TRPC7: variants seen among roughly 807,000 people sequenced by gnomAD.
TRPC7 encodes transient receptor potential cation channel subfamily C member 7.
In TRPC7, 42 loss-of-function variants were observed where a neutral mutation model predicts 90.1. That is an observed-to-expected ratio of 0.47 (90% CI 0.36 to 0.60). TRPC7 has a LOEUF of 0.60. Among genes scored for constraint, TRPC7 ranks in the 20% least tolerant of loss-of-function variants. TRPC7 has a pLI of 0.00. For synonymous variants in TRPC7, 451 were observed against 436.3 expected, an observed-to-expected ratio of 1.03 and a Z score of -0.42; for missense variants, 955 against 1,112.3, an observed-to-expected ratio of 0.86 and a Z score of 2.01.
chr5:136,303,672 C>T lies in TRPC7; in HGVS notation c.963+11925G>A, dbSNP rs1375185134. The T allele has an allele frequency of 3.9e-5, 6 of 152,184 alleles. No homozygotes were observed. The East Asian group carries it at 1.2e-3, about 29-fold the overall frequency. 9.4% of individuals were successfully genotyped at this position (152,184 alleles called of 1,614,324 possible). A position where few individuals can be genotyped will look rare whatever the true frequency, so the allele number is the denominator to read the frequency against. On this transcript the variant is annotated intron_variant, in intron 3 of 11. Transcript: ENST00000513104. ...CGTGTCCCATCTGTGTGGGACCCCA[C>T]TGAAAATCAGACTGTTCAACTCACC...
chr5:136,215,300 G>A (rs953979420), intron 11 of TRPC7, among the ~76,000 whole-genome samples: 5 of 152,204 alleles, frequency 3.3e-5, no homozygotes, highest in African/African-American at 9.6e-5. Flanking sequence ...CAAGAGGCAT[G>A]AGGTTGGCTC....
intron 8 of TRPC7, among the ~76,000 whole-genome samples, chr5:136,227,674 C>T (rs921226139): frequency 2.0e-5 from 3 of 152,118 alleles, no homozygotes; most frequent in Admixed American, 6.6e-5. Flanking sequence ...CAGGGACATC[C>T]GTCCTGAGAG....
At position 136,247,754 on chromosome 5, in the gene TRPC7, G is replaced by T; in HGVS notation, c.1580-19C>A. On this transcript the variant is annotated intron_variant, in intron 6 of 11. Transcript: ENST00000513104. The surrounding 1 kb of genome is among the most constrained non-coding windows in gnomAD (Gnocchi z 4.2). Reference sequence around the variant, plus strand: ...TCCCTGGCTAAAAGAAAACAATCTGGGTTACTCACGAGGCCACAGGATCTA... The same window carrying T: ...TCCCTGGCTAAAAGAAAACAATCTGTGTTACTCACGAGGCCACAGGATCTA... 1 of 1,605,318 alleles carries T rather than the reference G, an allele frequency of 6.2e-7. No homozygotes were observed. The highest frequency in any genetic ancestry group is 8.5e-7 in the Non-Finnish European group (1 of 1,174,524).
chr5:136,318,686 T>G (rs1302594298), intron 2 of TRPC7, among the ~76,000 whole-genome samples: 1 of 152,172 alleles, frequency 6.6e-6, no homozygotes, highest in Non-Finnish European at 1.5e-5. Context: ...TCTTAGTTAT[T>G]CCAATAACTG....
At chr5:136,296,592 A>G (rs1432162363) in intron 3 of TRPC7, among the ~76,000 whole-genome samples, 1 of 151,582 alleles carries the variant, frequency 6.6e-6, no homozygotes, top group Non-Finnish European at 1.5e-5. Context: ...TATAGGAAAC[A>G]TAGATAAATT....
At chr5:136,243,711 C>T (rs1451474519) in intron 7 of TRPC7, among the ~76,000 whole-genome samples, 2 of 151,488 alleles carry the variant, frequency 1.3e-5, no homozygotes, top group Admixed American at 1.3e-4. Flanking sequence ...TTGGGGGTGA[C>T]ATGCACCGGA....
chr5:136,257,489 T>G (rs1360763817), intron 5 of TRPC7, among the ~76,000 whole-genome samples: 1 of 152,176 alleles, frequency 6.6e-6, no homozygotes, highest in East Asian at 1.9e-4. Context: ...CCTGAAATGT[T>G]TTCCTAAGGA....
intron 8 of TRPC7, among the ~76,000 whole-genome samples, chr5:136,228,032 G>A (rs1364337750): frequency 1.3e-5 from 2 of 152,082 alleles, no homozygotes; most frequent in Non-Finnish European, 2.9e-5. Context: ...TGGGCATGAC[G>A]ATCCATGCCG....
At chr5:136,222,605 C>A (rs1413225232) in intron 10 of TRPC7, among the ~76,000 whole-genome samples, 1 of 152,224 alleles carries the variant, frequency 6.6e-6, no homozygotes, top group East Asian at 1.9e-4. Flanking sequence ...CTGTTGACAG[C>A]AAAAGTGCCC....
intron 2 of TRPC7, among the ~76,000 whole-genome samples, chr5:136,346,320 A>AT (rs1156792043): frequency 1.3e-5 from 2 of 152,104 alleles, no homozygotes; most frequent in Non-Finnish European, 2.9e-5. Context: ...GCTCTTCTAT[A>AT]TTTTTTAAAA....
At chr5:136,248,701 A>C (rs570694264) in intron 6 of TRPC7, among the ~76,000 whole-genome samples, 1 of 152,340 alleles carries the variant, frequency 6.6e-6, no homozygotes, top group Admixed American at 6.5e-5. Flanking sequence ...GCTTGTGGTC[A>C]CTGTGACCAC....
intron 3 of TRPC7, among the ~76,000 whole-genome samples, chr5:136,312,289 A>T (rs1055416384): frequency 6.6e-6 from 1 of 152,188 alleles, no homozygotes; most frequent in Non-Finnish European, 1.5e-5. Context: ...TTTATGAATG[A>T]TGTCTTTTCC....
intron 10 of TRPC7, 66 bp downstream of exon 10, chr5:136,225,208 C>T: frequency 1.4e-6 from 2 of 1,435,928 alleles, no homozygotes; most frequent in Non-Finnish European, 1.9e-6. Flanking sequence ...AGTCATGGGA[C>T]TAAATCTGTG....
chr5:136,224,373 AG>A (rs1430983231), intron 10 of TRPC7, among the ~76,000 whole-genome samples: 6 of 152,200 alleles, frequency 3.9e-5, no homozygotes, highest in Non-Finnish European at 7.3e-5. Flanking sequence ...GAAGCATAAA[AG>A]TTCTTTTTCT....
At chr5:136,350,498 A>G (rs975389169) in intron 2 of TRPC7, among the ~76,000 whole-genome samples, 7 of 152,342 alleles carry the variant, frequency 4.6e-5, no homozygotes, top group African/African-American at 9.6e-5. Context: ...TTGTGACCCA[A>G]TGAAAAGTTG....
intron 8 of TRPC7, among the ~76,000 whole-genome samples, chr5:136,231,075 G>A (rs1232052852): frequency 6.6e-6 from 1 of 152,154 alleles, no homozygotes; most frequent in Non-Finnish European, 1.5e-5. Context: ...TGGGTCATCT[G>A]CACGAGGTCC....
chr5:136,223,634 A>T (rs532524296), intron 10 of TRPC7, among the ~76,000 whole-genome samples: 1 of 141,634 alleles, frequency 7.1e-6, no homozygotes, highest in Admixed American at 7.1e-5. Flanking sequence ...TAAATAAAGT[A>T]AAAAAAAAAA....
intron 2 of TRPC7, among the ~76,000 whole-genome samples, chr5:136,347,282 G>A (rs1485184292): frequency 3.3e-5 from 5 of 152,142 alleles, no homozygotes; most frequent in African/African-American, 7.2e-5. Context: ...ACTCAATTGA[G>A]TATTTGCCAA....
chr5:136,325,770 C>T (rs1005766140), intron 2 of TRPC7, among the ~76,000 whole-genome samples: 1 of 152,056 alleles, frequency 6.6e-6, no homozygotes, highest in Non-Finnish European at 1.5e-5. Context: ...AATCTCAGGC[C>T]AATTTGTGCT....
Sources: gnomAD v4.1 joint callset for allele counts (sites outside exome capture counted in the v4.1 genomes callset) on GRCh38, gnomAD v4.1.1 for gene constraint, Gnocchi (gnomAD v3.1) non-coding constraint, MANE v1.5 for transcripts, NCBI Gene and HGNC (gene_info 2026-07-23, HGNC 2026-07-21) for gene names.